The following MGRN1 variants were observed in gnomAD, a reference collection of about 807,000 sequenced individuals.
MGRN1 encodes E3 ubiquitin-protein ligase MGRN1.
MGRN1 carries 29 observed loss-of-function variants against 69.2 expected under a neutral mutation model. The ratio of observed to expected loss-of-function variants is 0.42; its 90% CI spans 0.31 to 0.57. The LOEUF (loss-of-function observed/expected upper bound fraction) is 0.57. Among genes scored for constraint, MGRN1 ranks in the 20% least tolerant of loss-of-function variants. MGRN1 has a pLI of 0.15. For missense variants in MGRN1, 998 were observed against 796.2 expected (o/e 1.25, Z -3.05); for synonymous variants, 470 against 344.2 (o/e 1.37, Z -4.04).
At chr16:4,647,207 A>T (rs1193785742) in intron 1 of MGRN1, among the ~76,000 whole-genome samples, 1 of 152,124 alleles carries the variant, frequency 6.6e-6, no homozygotes, top group African/African-American at 2.4e-5. Flanking sequence ...CACATCTTGG[A>T]GGAGCAGGCA....
At chr16:4,640,804 G>A (rs1256141294) in intron 1 of MGRN1, among the ~76,000 whole-genome samples, 1 of 152,320 alleles carries the variant, frequency 6.6e-6, no homozygotes, top group Non-Finnish European at 1.5e-5. Context: ...GTGGTCCCCC[G>A]GCTGCAGGAG....
intron 12 of MGRN1, among the ~76,000 whole-genome samples, chr16:4,681,046 C>A (rs1355085315): frequency 6.6e-6 from 1 of 152,236 alleles, no homozygotes; most frequent in Non-Finnish European, 1.5e-5. Flanking sequence ...GAGGGAAGAA[C>A]AGTGGCTCTT....
chr16:4,671,188 C>T lies in MGRN1; in HGVS notation c.727-203C>T, dbSNP rs553720864. On this transcript the variant is annotated intron_variant, in intron 8 of 16. Coordinates refer to ENST00000262370, the MANE Select transcript of MGRN1 (RefSeq NM_015246.4). ...CCAGTAGTGGGGAGAGCCACCGGCT[C>T]CAGCCCTGTTCCAGGTGCTGCTGGT... The T allele has an allele frequency of 1.9e-4, 113 of 599,048 alleles. No individual in the cohort carries two copies. The African/African-American group carries it at 2.0e-3, about 11-fold the overall frequency. The allele number at this position is 599,048 out of a possible 1,614,324, so 37.1% of individuals were successfully genotyped here. A position where few individuals can be genotyped will look rare whatever the true frequency, so the allele number is the denominator to read the frequency against.
In MGRN1 at chr16:4,688,124, C is replaced by T. The variant is rs960985814; in HGVS notation, c.1619-672C>T. On this transcript the variant is annotated intron_variant, in intron 16 of 16. Coordinates refer to ENST00000262370, the MANE Select transcript of MGRN1 (RefSeq NM_015246.4). ...CTTCACCGGAGAGTGGGGCCTGGGC[C>T]GTGTCTGCTGGGAGCCATGTGTCAG... 1.0e-4 allele frequency: 99 copies of T among 985,562 alleles called. 1 individual carries two copies. In the Admixed American group the frequency reaches 3.3e-3, roughly 33 times the overall value. The allele number at this position is 985,562 out of a possible 1,614,324, so 61.1% of individuals were successfully genotyped here. A position where few individuals can be genotyped will look rare whatever the true frequency, so the allele number is the denominator to read the frequency against.
chr16:4,635,785 C>T (rs1049039883), intron 1 of MGRN1, among the ~76,000 whole-genome samples: 6 of 151,058 alleles, frequency 4.0e-5, no homozygotes, highest in African/African-American at 1.5e-4. Context: ...CAGGTGCCCA[C>T]TACCACGCCC....
intron 4 of MGRN1, among the ~76,000 whole-genome samples, chr16:4,655,621 G>A (rs2078519724): frequency 6.6e-6 from 1 of 152,090 alleles, no homozygotes; most frequent in South Asian, 2.1e-4. Context: ...CTCCCAGCAG[G>A]CATCACAGAG....
rs747031473 is a variant in MGRN1 at position 4,650,495 on chromosome 16, C to A, written c.207+12C>A. On this transcript the variant is annotated intron_variant, in intron 2 of 16. Coordinates refer to ENST00000262370, the MANE Select transcript of MGRN1 (RefSeq NM_015246.4). The stretch of plus-strand genomic sequence containing the variant: ...GCCGCCCGGTCCAGGTGGGTCTGGA[C>A]AGGGCTGTCTCATGGGGCTGTGGGG... 12 of 1,597,268 alleles carry A rather than the reference C, an allele frequency of 7.5e-6. No homozygotes were observed. Among genetic ancestry groups the A allele is most frequent in the Non-Finnish European group, 8.5e-6 (10 of 1,170,886 alleles).
chr16:4,626,361 C>G (rs980737232), intron 1 of MGRN1, among the ~76,000 whole-genome samples: 2 of 152,192 alleles, frequency 1.3e-5, no homozygotes, highest in African/African-American at 4.8e-5. Context: ...GCTGATGGCC[C>G]TACATCAGAT....
chr16:4,642,500 G>GTGTGTGTGTGTGTGTGTGTT (rs925961228), intron 1 of MGRN1, among the ~76,000 whole-genome samples: 5 of 150,188 alleles, frequency 3.3e-5, no homozygotes, highest in African/African-American at 1.2e-4. Context: ...GTGTGTGTGT[G>GTGTGTGTGTGTGTGTGTGTT]TTTTTAGTAG....
chr16:4,631,085 G>A (rs1369972582), intron 1 of MGRN1, among the ~76,000 whole-genome samples: 4 of 151,538 alleles, frequency 2.6e-5, no homozygotes, highest in Admixed American at 1.3e-4. Context: ...GCCTTCCAGA[G>A]TGCTGGGATT....
chr16:4,670,495 G>T (rs187693938), intron 8 of MGRN1, among the ~76,000 whole-genome samples: 1 of 152,198 alleles, frequency 6.6e-6, no homozygotes, highest in African/African-American at 2.4e-5. Context: ...CACCAGCCTC[G>T]GCCTCCTACT....
chr16:4,681,667 T>A lies in MGRN1; in HGVS notation c.1249T>A (p.Ser417Thr), dbSNP rs1323231425. ...CCCTCTTTATGAAGAAATCACCTAT[T>A]CAGGCATCTCGGACGGCCTGTCCCA... Reference protein sequence around the residue: ...SAPLYEEITYSGISDGLSQAS... With the variant: ...SAPLYEEITYTGISDGLSQAS... The change falls in exon 13 of 17, where the codon TCA becomes ACA. Residue 417 changes from serine (S) to threonine (T), a missense_variant. Physicochemically the swap from Ser to Thr is moderately conservative, Grantham distance 58 (BLOSUM62 1). Transcript: ENST00000262370. 1 of 1,613,454 alleles carries A rather than the reference T, an allele frequency of 6.2e-7. No homozygotes were observed. The highest frequency in any genetic ancestry group is 2.2e-5 in the East Asian group (1 of 44,862).
intron 16 of MGRN1, chr16:4,687,266 C>G: frequency 2.0e-6 from 2 of 985,412 alleles, no homozygotes; most frequent in Non-Finnish European, 2.4e-6. Context: ...CAGAAGGCGG[C>G]TCTGTCCAGG....
intron 8 of MGRN1, among the ~76,000 whole-genome samples, chr16:4,669,533 G>A (rs2078893458): frequency 6.6e-6 from 1 of 151,406 alleles, no homozygotes; most frequent in African/African-American, 2.4e-5. Context: ...TATATGTTTT[G>A]CGTGCCCGCC....
In MGRN1 at chr16:4,650,476, C is replaced by T. The variant is rs764059983; in HGVS notation, c.200C>T (p.Pro67Leu). The change falls in exon 2 of 17, where the codon CCG becomes CTG. Residue 67 changes from proline to leucine, a missense_variant. Transcript: ENST00000262370. ...NMDLNFLGSR[P>L]VQFPYVTPAP... ...GATCTGAACTTCCTGGGCAGCCGCC[C>T]GGTCCAGGTGGGTCTGGACAGGGCT... 71 of 1,613,124 alleles carry T rather than the reference C, an allele frequency of 4.4e-5. No individual in the cohort carries two copies. The highest frequency in any genetic ancestry group is 5.4e-5 in the Non-Finnish European group (64 of 1,179,570).
chr16:4,664,999 A>T, intron 6 of MGRN1, 103 bp from the exon 7 acceptor site: 1 of 1,371,994 alleles, frequency 7.3e-7, no homozygotes, highest in Non-Finnish European at 1.0e-6. Flanking sequence ...GACTCTGTGC[A>T]GGCTGAGCCC....
At chr16:4,650,234 C>T (rs986187066) in intron 1 of MGRN1, 131 bp from the exon 2 acceptor site, 24 of 638,288 alleles carry the variant, frequency 3.8e-5, no homozygotes, top group Admixed American at 2.8e-4. Context: ...ACCCGGTGGG[C>T]GGAGCTTGCA....
chr16:4,656,565 C>G lies in MGRN1; in HGVS notation c.444-681C>G, dbSNP rs551276906. ...GAAGATGCATTTTGCACTGTGTATA[C>G]TTAAGTACTGTGTTCATTTAAAAAG... On this transcript the variant is annotated intron_variant, in intron 4 of 16. Coordinates refer to ENST00000262370, the MANE Select transcript of MGRN1 (RefSeq NM_015246.4). Among the ~76,000 whole-genome samples, 454 of 152,280 alleles carry G rather than the reference C, an allele frequency of 3.0e-3. 3 individuals carry two copies. The highest frequency in any genetic ancestry group is 0.01 in the African/African-American group (436 of 41,568).
intron 15 of MGRN1, among the ~76,000 whole-genome samples, chr16:4,683,503 C>T (rs2079236904): frequency 6.6e-6 from 1 of 152,122 alleles, no homozygotes; most frequent in South Asian, 2.1e-4. Context: ...TGGGGAACAC[C>T]TGCCAGCATT....
Sources: gnomAD v4.1 joint callset for allele counts (sites outside exome capture counted in the v4.1 genomes callset) on GRCh38, gnomAD v4.1.1 for gene constraint, MANE v1.5 for transcripts, NCBI Gene and HGNC (gene_info 2026-07-23, HGNC 2026-07-21) for gene names.